SSH2: variants seen among roughly 807,000 people sequenced by gnomAD.
The protein encoded by SSH2 is slingshot protein phosphatase 2, also known as protein phosphatase Slingshot homolog 2.
SSH2 carries 37 observed loss-of-function variants against 135.2 expected under a neutral mutation model. The ratio of observed to expected loss-of-function variants is 0.27; its 90% CI spans 0.21 to 0.36. SSH2 has a LOEUF of 0.36. Among genes scored for constraint, SSH2 ranks in the 10% least tolerant of loss-of-function variants. SSH2 has a pLI of 1.00. For synonymous variants in SSH2, 628 were observed against 646.2 expected (o/e 0.97, Z 0.43); for missense variants, 1,408 against 1,765.3 (o/e 0.80, Z 3.63).
At chr17:29,866,437 G>T (rs2065857403) in intron 1 of SSH2, among the ~76,000 whole-genome samples, 1 of 152,182 alleles carries the variant, frequency 6.6e-6, no homozygotes, top group Non-Finnish European at 1.5e-5. Context: ...AGTGCAAAAT[G>T]CACACCAAGT....
chr17:29,842,816 C>G (rs558360255), intron 2 of SSH2, among the ~76,000 whole-genome samples: 1 of 152,178 alleles, frequency 6.6e-6, no homozygotes, highest in East Asian at 1.9e-4. Context: ...TATCTTTTTT[C>G]TGACGATGGG....
intron 3 of SSH2, among the ~76,000 whole-genome samples, chr17:29,759,362 T>C (rs759979024): frequency 1.3e-5 from 2 of 152,200 alleles, no homozygotes; most frequent in Non-Finnish European, 2.9e-5. Flanking sequence ...ATTGTGCTTA[T>C]TAGGTTGGTG....
chr17:29,739,483 T>C (rs2151202810), intron 3 of SSH2, among the ~76,000 whole-genome samples: 1 of 152,330 alleles, frequency 6.6e-6, no homozygotes, highest in Non-Finnish European at 1.5e-5. Flanking sequence ...TCAATGATTC[T>C]ATATATAAGG....
At chr17:29,760,983 T>G in intron 3 of SSH2, 6 of 575,654 alleles carry the variant, frequency 1.0e-5, no homozygotes, top group Non-Finnish European at 1.6e-5. Context: ...CCCCCCACCG[T>G]TCTACCCCAG....
At chr17:29,842,976 TC>T (rs1401911540) in intron 2 of SSH2, among the ~76,000 whole-genome samples, 4 of 152,048 alleles carry the variant, frequency 2.6e-5, no homozygotes, top group Non-Finnish European at 5.9e-5. Flanking sequence ...TTTCCCTTTT[TC>T]CCCCCTTTTT....
At chr17:29,756,840 AG>A (rs2041146027) in intron 3 of SSH2, among the ~76,000 whole-genome samples, 1 of 151,656 alleles carries the variant, frequency 6.6e-6, no homozygotes, top group South Asian at 2.1e-4. Context: ...TATTTTTAGT[AG>A]AGATGGGGTT....
At chr17:29,710,618 G>A (rs949921854) in intron 3 of SSH2, among the ~76,000 whole-genome samples, 2 of 152,194 alleles carry the variant, frequency 1.3e-5, no homozygotes, top group African/African-American at 4.8e-5. Flanking sequence ...TAGGTGGAAA[G>A]GAATTCATGT....
At chr17:29,738,089 C>G (rs767318282) in intron 3 of SSH2, among the ~76,000 whole-genome samples, 9 of 152,204 alleles carry the variant, frequency 5.9e-5, no homozygotes, top group Non-Finnish European at 1.2e-4. Context: ...CCCGTGACCC[C>G]ACAAGGGGCC....
chr17:29,668,534 T>C (rs1400056696), intron 9 of SSH2, among the ~76,000 whole-genome samples: 4 of 151,986 alleles, frequency 2.6e-5, no homozygotes, highest in African/African-American at 7.2e-5. Context: ...AGTTTGAGAC[T>C]AGCCCAGGCA....
chr17:29,642,392 A>C (rs2036199565), intron 14 of SSH2, among the ~76,000 whole-genome samples: 1 of 152,040 alleles, frequency 6.6e-6, no homozygotes, highest in Non-Finnish European at 1.5e-5. Context: ...CCCCCTATAC[A>C]CTGAAACCTA....
At chr17:29,915,439 T>C (rs1171294915) in intron 1 of SSH2, among the ~76,000 whole-genome samples, 1 of 152,228 alleles carries the variant, frequency 6.6e-6, no homozygotes, top group Admixed American at 6.5e-5. Context: ...TCAGTGTCTT[T>C]GGATCTCCAT....
At chr17:29,680,320 TG>T in intron 6 of SSH2, among the ~76,000 whole-genome samples, 1 of 151,622 alleles carries the variant, frequency 6.6e-6, no homozygotes, top group Non-Finnish European at 1.5e-5. Context: ...CCCAGCACTT[TG>T]GGAGGCCGAG....
At chr17:29,738,288 T>C (rs2040437558) in intron 3 of SSH2, among the ~76,000 whole-genome samples, 1 of 152,210 alleles carries the variant, frequency 6.6e-6, no homozygotes, top group Non-Finnish European at 1.5e-5. Context: ...TAGTATTCCA[T>C]GGTGTATATG....
At chr17:29,838,041 G>A (rs139357182) in intron 2 of SSH2, among the ~76,000 whole-genome samples, 1 of 152,354 alleles carries the variant, frequency 6.6e-6, no homozygotes, top group Non-Finnish European at 1.5e-5. Context: ...GCAGACCCAG[G>A]CATCTCTATA....
intron 1 of SSH2, among the ~76,000 whole-genome samples, chr17:29,904,425 G>A (rs1035483213): frequency 7.2e-5 from 11 of 152,168 alleles, no homozygotes; most frequent in African/African-American, 2.7e-4. Flanking sequence ...AATGGATGAA[G>A]AAAAGGCCTT....
chr17:29,842,026 C>T (rs1396662409), intron 2 of SSH2, among the ~76,000 whole-genome samples: 1 of 150,450 alleles, frequency 6.6e-6, no homozygotes, highest in Non-Finnish European at 1.5e-5. Context: ...GCACCACTGT[C>T]CCCAGCCCAA....
intron 2 of SSH2, among the ~76,000 whole-genome samples, chr17:29,833,662 TCC>T (rs1357389792): frequency 1.3e-5 from 2 of 150,730 alleles, no homozygotes; most frequent in Admixed American, 1.3e-4. Flanking sequence ...CTTCCTTCCT[TCC>T]TTCCTTCTTT....
chr17:29,779,639 GAAACCCTGACTCTACTA>G (rs1357676120), intron 3 of SSH2, among the ~76,000 whole-genome samples: 1 of 151,126 alleles, frequency 6.6e-6, no homozygotes, highest in African/African-American at 2.4e-5. Flanking sequence ...CCTGACAGAT[GAAACCCTGACTCTACTA>G]AAAGTACAAA....
intron 9 of SSH2, among the ~76,000 whole-genome samples, chr17:29,667,439 G>A (rs2037325944): frequency 6.6e-6 from 1 of 152,122 alleles, no homozygotes; most frequent in Non-Finnish European, 1.5e-5. Flanking sequence ...GTGAGCAGCG[G>A]GCAAGCATTA....
Sources: allele counts gnomAD v4.1 joint callset (sites outside exome capture counted in the v4.1 genomes callset), GRCh38; gene constraint gnomAD v4.1.1; transcripts MANE v1.5; gene names NCBI Gene and HGNC (gene_info 2026-07-23, HGNC 2026-07-21).